Variants in HADHA observed in about 807,000 individuals in gnomAD.
HADHA encodes the protein hydroxyacyl-CoA dehydrogenase trifunctional multienzyme complex subunit alpha, also known as trifunctional enzyme subunit alpha, mitochondrial.
HADHA carries 59 observed loss-of-function variants against 91.3 expected under a neutral mutation model. That is an observed-to-expected ratio of 0.65 (90% confidence interval 0.52 to 0.80). The LOEUF is 0.80. Ranked by LOEUF, HADHA falls within the 30% of genes least tolerant of loss-of-function variation. The probability of loss-of-function intolerance (pLI) is 0.00; values close to 1 mark genes in which losing one functional copy is unlikely to be tolerated. For missense variants in HADHA, 800 were observed against 927.6 expected, an observed-to-expected ratio of 0.86 and a Z score of 1.79; for synonymous variants, 320 against 338.9, an observed-to-expected ratio of 0.94 and a Z score of 0.61.
At chr2:26,228,153 CAG>C (rs1670527734) in intron 7 of HADHA, among the ~76,000 whole-genome samples, 1 of 141,142 alleles carries the variant, frequency 7.1e-6, no homozygotes, top group Admixed American at 7.0e-5. Flanking sequence ...TTTTTTGAGA[CAG>C]AGTCTCGCTC....
chr2:26,219,128 A>AAAATATAT (rs1670308055), intron 7 of HADHA, among the ~76,000 whole-genome samples: 1 of 151,776 alleles, frequency 6.6e-6, no homozygotes, highest in Admixed American at 6.6e-5. Context: ...ATGAAGACAA[A>AAAATATAT]AAATATATAT....
chr2:26,197,905 G>A (rs1187360157), intron 13 of HADHA, 128 bp from the exon 14 acceptor site: 1 of 724,876 alleles, frequency 1.4e-6, no homozygotes, highest in Non-Finnish European at 2.6e-6. Context: ...GACAGTAGAT[G>A]TCACTCACCC....
Position 26,229,348 on chromosome 2 carries a change from G to GCGCGCACACA in HADHA, c.676+843_676+844insTGTGTGCGCG, listed in dbSNP as rs1553315305. On this transcript the variant is annotated intron_variant, in intron 7 of 19. Transcript: ENST00000380649. The surrounding 1 kb of genome is among the most constrained non-coding windows in gnomAD (Gnocchi z 4.3). ...GTGAGACCCCAACATGTGTGCGCGC[G>GCGCGCACACA]CACACACACACACACACACACACAC... Among the ~76,000 whole-genome samples the GCGCGCACACA allele has an allele frequency of 6.8e-6, 1 of 147,520 alleles. No homozygotes were observed. Among genetic ancestry groups the GCGCGCACACA allele is most frequent in the Admixed American group, 6.7e-5 (1 of 14,890 alleles).
intron 11 of HADHA, among the ~76,000 whole-genome samples, chr2:26,206,712 T>C (rs930061423): frequency 6.6e-6 from 1 of 152,174 alleles, no homozygotes; most frequent in African/African-American, 2.4e-5. Context: ...ATACACAAGA[T>C]GACATGCTGT....
intron 17 of HADHA, 72 bp from the exon 18 acceptor site, chr2:26,192,496 C>CA: frequency 1.1e-6 from 1 of 910,790 alleles, no homozygotes; most frequent in Admixed American, 1.7e-5. Context: ...GTTCTCAGAA[C>CA]CCTGGCCTGG....
At chr2:26,208,744 T>C (rs1341436066) in intron 11 of HADHA, among the ~76,000 whole-genome samples, 1 of 152,218 alleles carries the variant, frequency 6.6e-6, no homozygotes, top group Non-Finnish European at 1.5e-5. Context: ...ACCCTGCTCA[T>C]CGAATGCAAG....
At chr2:26,236,527 T>C (rs1670765933) in intron 4 of HADHA, among the ~76,000 whole-genome samples, 1 of 151,890 alleles carries the variant, frequency 6.6e-6, no homozygotes, top group South Asian at 2.1e-4. Flanking sequence ...CAAGGGATTT[T>C]CGTGCCACAG....
At chr2:26,243,493 T>C (rs1670971829) in intron 1 of HADHA, among the ~76,000 whole-genome samples, 1 of 152,112 alleles carries the variant, frequency 6.6e-6, no homozygotes. Context: ...TGCTACAGTT[T>C]TGTGGAGACT....
At chr2:26,225,047 G>C (rs1257992037) in intron 7 of HADHA, among the ~76,000 whole-genome samples, 1 of 152,130 alleles carries the variant, frequency 6.6e-6, no homozygotes, top group East Asian at 1.9e-4. Flanking sequence ...CTCTAGAATG[G>C]AGAACCTGAA....
chr2:26,192,219 TAAAA>T, intron 18 of HADHA, 87 bp downstream of exon 18: 2 of 658,814 alleles, frequency 3.0e-6, no homozygotes, highest in Non-Finnish European at 2.7e-6. Context: ...CTTAAAGTAT[TAAAA>T]AAAAAAAAAA....
intron 12 of HADHA, among the ~76,000 whole-genome samples, chr2:26,203,678 G>A (rs1669909285): frequency 6.6e-6 from 1 of 152,172 alleles, no homozygotes; most frequent in Admixed American, 6.5e-5. Flanking sequence ...AGACAGTCAT[G>A]CTGTTTGAAT....
At position 26,191,540 on chromosome 2, in the gene HADHA, G is replaced by C; in HGVS notation, c.2089C>G (p.Pro697Ala). The change falls in exon 19 of 20, where the codon CCT (proline) becomes GCT (alanine). Residue 697 changes from proline (P) to alanine (A), a missense_variant. Pro to Ala is a conservative substitution (Grantham distance 27). Transcript: ENST00000380649. ...ACGGCTCCGATGTCTCCCTCTGCAG[G>C]TGTGGCCAAGATCCCCTCTTGCAGG... ...MCLQEGILAT[P>A]AEGDIGAVFG... 1 of 1,614,156 alleles carries C rather than the reference G, an allele frequency of 6.2e-7. No individual in the cohort carries two copies. Among genetic ancestry groups the C allele is most frequent in the Non-Finnish European group, 8.5e-7 (1 of 1,180,004 alleles).
intron 16 of HADHA, 34 bp from the exon 17 acceptor site, chr2:26,193,806 AGG>A: frequency 6.4e-7 from 1 of 1,567,794 alleles, no homozygotes; most frequent in Non-Finnish European, 8.8e-7. Flanking sequence ...CCTCAGGGGA[AGG>A]GCAGCCCAAA....
chr2:26,239,724 TA>T (rs1259484764), intron 1 of HADHA, among the ~76,000 whole-genome samples: 395 of 139,450 alleles, frequency 2.8e-3, no homozygotes, highest in Admixed American at 3.1e-3. Context: ...GGTGACACAT[TA>T]AAAAAAAAAA....
chr2:26,242,302 A>G (rs749480362), intron 1 of HADHA, among the ~76,000 whole-genome samples: 9 of 152,274 alleles, frequency 5.9e-5, no homozygotes, highest in Admixed American at 4.6e-4. Context: ...AAATAGTAAT[A>G]TAAGGGTGCA....
intron 4 of HADHA, chr2:26,235,344 A>G (rs1670722889): frequency 1.3e-5 from 2 of 152,196 alleles, no homozygotes; most frequent in South Asian, 4.1e-4. Context: ...ATCAGGTGCA[A>G]TGATGTTCCA....
chr2:26,224,557 C>G (rs1042511917), intron 7 of HADHA, among the ~76,000 whole-genome samples: 1 of 152,144 alleles, frequency 6.6e-6, no homozygotes, highest in Non-Finnish European at 1.5e-5. Flanking sequence ...TATATCATAG[C>G]ATTTATGTTA....
At chr2:26,219,520 C>A (rs1670321663) in intron 7 of HADHA, among the ~76,000 whole-genome samples, 1 of 152,230 alleles carries the variant, frequency 6.6e-6, no homozygotes, top group African/African-American at 2.4e-5. Context: ...ACGCACCCTT[C>A]ACCACCACTG....
rs769009132 is a variant in HADHA, at chr2:26,192,359, C to A, written c.1951G>T (p.Asp651Tyr). The change falls in exon 18 of 20, where the codon GAC becomes TAC. Residue 651 changes from aspartate to tyrosine, a missense_variant. Asp to Tyr is a radical substitution (Grantham distance 160). Transcript: ENST00000380649. ...EGVKRKDLNS[D>Y]MDSILASLKL... ...AGACTCGCTAAAATACTATCCATGT[C>A]AGAATTCAAATCCTTCCTCTTCACA... 2 of 1,611,398 alleles carry A rather than the reference C, an allele frequency of 1.2e-6. No individual in the cohort carries two copies. Among genetic ancestry groups the A allele is most frequent in the Admixed American group, 3.3e-5 (2 of 60,006 alleles).
Sources: gnomAD v4.1 joint callset for allele counts (sites outside exome capture counted in the v4.1 genomes callset) on GRCh38, gnomAD v4.1.1 for gene constraint, Gnocchi (gnomAD v3.1) non-coding constraint, MANE v1.5 for transcripts, NCBI Gene and HGNC (gene_info 2026-07-23, HGNC 2026-07-21) for gene names.